The following DKK2 variants were observed in gnomAD, a reference collection of about 807,000 sequenced individuals.
The protein encoded by DKK2 is dickkopf-related protein 2.
Under a neutral mutation model 28.1 loss-of-function variants are expected in DKK2, and 11 were observed. The observed-to-expected ratio is 0.39, with a 90% CI of 0.25 to 0.65. DKK2 has a LOEUF of 0.65. Among genes scored for constraint, DKK2 ranks in the 30% least tolerant of loss-of-function variants. The probability of loss-of-function intolerance (pLI) is 0.47; values close to 1 mark genes in which losing one functional copy is unlikely to be tolerated. For missense variants in DKK2, 326 were observed against 335.5 expected (o/e 0.97, Z 0.22); for synonymous variants, 135 against 126.5 (o/e 1.07, Z -0.45).
chr4:106,986,260 A>C (rs1043261430), intron 1 of DKK2, among the ~76,000 whole-genome samples: 1 of 152,208 alleles, frequency 6.6e-6, no homozygotes, highest in African/African-American at 2.4e-5. Context: ...AGCAAAGGGC[A>C]TACTCTAGTT....
intron 1 of DKK2, among the ~76,000 whole-genome samples, chr4:106,928,591 T>C (rs1180476154): frequency 6.6e-6 from 1 of 152,150 alleles, no homozygotes; most frequent in Non-Finnish European, 1.5e-5. Context: ...AATAAATTGA[T>C]TAAAGAAGAG....
At chr4:106,993,710 T>A (rs369128299) in intron 1 of DKK2, among the ~76,000 whole-genome samples, 24 of 152,348 alleles carry the variant, frequency 1.6e-4, no homozygotes, top group African/African-American at 5.0e-4. Flanking sequence ...TCCAATATAA[T>A]GTATACAGTT....
At chr4:106,974,392 T>A (rs1044566231) in intron 1 of DKK2, among the ~76,000 whole-genome samples, 2 of 152,188 alleles carry the variant, frequency 1.3e-5, no homozygotes, top group Admixed American at 6.5e-5. Context: ...GTTTTTCCAT[T>A]TGTTTATGTC....
chr4:106,959,591 C>T (rs1057308716), intron 1 of DKK2, among the ~76,000 whole-genome samples: 1 of 151,790 alleles, frequency 6.6e-6, no homozygotes, highest in Admixed American at 6.6e-5. Context: ...ATTTCTGGAA[C>T]AGAATGGTGT....
chr4:107,000,123 T>A (rs1723338268), intron 1 of DKK2, among the ~76,000 whole-genome samples: 1 of 152,202 alleles, frequency 6.6e-6, no homozygotes, highest in African/African-American at 2.4e-5. Context: ...TAGTCAAGGA[T>A]AAAAGCCCAC....
At chr4:106,965,903 T>C (rs1228588336) in intron 1 of DKK2, among the ~76,000 whole-genome samples, 1 of 151,146 alleles carries the variant, frequency 6.6e-6, no homozygotes, top group African/African-American at 2.4e-5. Context: ...ATTTCATCCA[T>C]GTCCCTACAA....
intron 1 of DKK2, among the ~76,000 whole-genome samples, chr4:106,933,659 C>T (rs557031078): frequency 1.1e-4 from 16 of 152,238 alleles, no homozygotes; most frequent in African/African-American, 3.1e-4. Context: ...TCTTCTTCCC[C>T]ATATCAAGTA....
At chr4:107,023,798 A>G (rs1723730474) in intron 1 of DKK2, among the ~76,000 whole-genome samples, 1 of 152,196 alleles carries the variant, frequency 6.6e-6, no homozygotes, top group South Asian at 2.1e-4. Flanking sequence ...AACTACTCTC[A>G]AAAACCAATA....
At chr4:106,969,398 T>C (rs903847202) in intron 1 of DKK2, among the ~76,000 whole-genome samples, 37 of 151,950 alleles carry the variant, frequency 2.4e-4, no homozygotes, top group African/African-American at 8.0e-4. Context: ...TCTCTGTTGA[T>C]CTATCACTTC....
At chr4:107,034,035 T>C (rs1723920278) in intron 1 of DKK2, among the ~76,000 whole-genome samples, 1 of 152,186 alleles carries the variant, frequency 6.6e-6, no homozygotes, top group Admixed American at 6.5e-5. Context: ...AAAGGATAGC[T>C]GAAACGGTTC....
intron 1 of DKK2, among the ~76,000 whole-genome samples, chr4:107,033,881 C>T (rs892962444): frequency 1.3e-5 from 2 of 152,014 alleles, no homozygotes; most frequent in Non-Finnish European, 2.9e-5. Context: ...AGAGAAAAAG[C>T]GAAGGAAAGT....
chr4:107,003,380 C>T (rs1483457971), intron 1 of DKK2, among the ~76,000 whole-genome samples: 1 of 152,208 alleles, frequency 6.6e-6, no homozygotes, highest in African/African-American at 2.4e-5. Flanking sequence ...CATAGTTCAC[C>T]ATCTTTTAGG....
intron 1 of DKK2, among the ~76,000 whole-genome samples, chr4:106,942,875 C>T (rs1342907446): frequency 1.3e-5 from 2 of 152,060 alleles, no homozygotes; most frequent in Non-Finnish European, 2.9e-5. Context: ...AAGGAATCTA[C>T]ATTACAAATA....
At chr4:106,957,056 GA>G (rs1380286809) in intron 1 of DKK2, among the ~76,000 whole-genome samples, 4 of 151,608 alleles carry the variant, frequency 2.6e-5, no homozygotes, top group South Asian at 2.1e-4. Flanking sequence ...AAATTTACAA[GA>G]AAAAAACAAA....
intron 1 of DKK2, among the ~76,000 whole-genome samples, chr4:107,011,242 A>C (rs1390578289): frequency 6.6e-6 from 1 of 151,580 alleles, no homozygotes; most frequent in Non-Finnish European, 1.5e-5. Flanking sequence ...AATCTGTGAC[A>C]ATCAAACTCT....
At chr4:107,015,627 C>T (rs1271882284) in intron 1 of DKK2, among the ~76,000 whole-genome samples, 1 of 151,662 alleles carries the variant, frequency 6.6e-6, no homozygotes, top group East Asian at 1.9e-4. Flanking sequence ...TGTTCAAATA[C>T]CACTTTTTCC....
In DKK2 at chr4:107,035,364, TC is replaced by T. The variant is rs1360788521; in HGVS notation, c.222+5del. 1 of 1,613,960 alleles carries T rather than the reference TC, an allele frequency of 6.2e-7. No homozygotes were observed. The highest frequency in any genetic ancestry group is 8.5e-7 in the Non-Finnish European group (1 of 1,179,920). On this transcript the variant is annotated splice_donor_5th_base_variant and intron_variant, in intron 1 of 3. Coordinates refer to ENST00000285311, the MANE Select transcript of DKK2 (RefSeq NM_014421.3). The stretch of plus-strand genomic sequence containing the variant: ...GTCTGAAGAATGTGTTTGGGGGTTT[TC>T]CTACCTGCCCCAGGTTTTTGCCCTT...
At chr4:107,034,325 C>A (rs887908345) in intron 1 of DKK2, among the ~76,000 whole-genome samples, 1 of 151,896 alleles carries the variant, frequency 6.6e-6, no homozygotes, top group African/African-American at 2.4e-5. Flanking sequence ...TTGTGTTGTG[C>A]GAGGTGCGTG....
At position 107,017,210 on chromosome 4, in the gene DKK2, AG is replaced by A. The variant is rs563617888; in HGVS notation, c.222+18159del. Among the ~76,000 whole-genome samples the A allele has an allele frequency of 1.9e-4, 29 of 152,144 alleles. No individual in the cohort carries two copies. In the South Asian group the frequency reaches 6.0e-3, roughly 31 times the overall value. On this transcript the variant is annotated intron_variant, in intron 1 of 3. Transcript: ENST00000285311. Reference sequence around the variant, plus strand: ...TCAAGCTCACCATTCTGTAGAACAAAGCTTCCTCTCTGAAAATCAGAATATC... The same window carrying A: ...TCAAGCTCACCATTCTGTAGAACAAACTTCCTCTCTGAAAATCAGAATATC...
Sources: allele counts gnomAD v4.1 joint callset (sites outside exome capture counted in the v4.1 genomes callset), GRCh38; gene constraint gnomAD v4.1.1; transcripts MANE v1.5; gene names NCBI Gene and HGNC (gene_info 2026-07-23, HGNC 2026-07-21).